OR2T12: variants seen among roughly 807,000 people sequenced by gnomAD.
OR2T12 encodes olfactory receptor family 2 subfamily T member 12.
For synonymous variants in OR2T12, 127 were observed against 160.5 expected (o/e 0.79, Z 1.58); for missense variants, 335 against 404.3 (o/e 0.83, Z 1.47).
chr1:248,297,631 T>C (rs1186716832), intron 2 of OR2T12, among the ~76,000 whole-genome samples: 4 of 152,156 alleles, frequency 2.6e-5, no homozygotes, highest in African/African-American at 7.2e-5. Context: ...GAATGGGAGT[T>C]TACTCATGAT....
rs1659613701 is a variant in OR2T12 at position 248,290,850 on chromosome 1, C to A, written c.*3766G>T. ...TGGTGACTTTTTAATAATTGCCATT[C>A]TAACTGATGTGACATGGTATCTCAC... On this transcript the variant is annotated 3_prime_UTR_variant, in exon 3 of 3. Coordinates refer to ENST00000641276, the MANE Select transcript of OR2T12 (RefSeq NM_001004692.2). 1 of 152,100 alleles carries A rather than the reference C, an allele frequency of 6.6e-6. No homozygotes were observed. Among genetic ancestry groups the A allele is most frequent in the African/African-American group, 2.4e-5 (1 of 41,434 alleles). 9.4% of individuals were successfully genotyped at this position (152,100 alleles called of 1,614,324 possible).
intron 2 of OR2T12, among the ~76,000 whole-genome samples, chr1:248,297,800 G>T (rs1382215086): frequency 6.8e-6 from 1 of 147,774 alleles, no homozygotes; most frequent in Non-Finnish European, 1.5e-5. Flanking sequence ...CCGCAAACAG[G>T]GACAATTTGA....
rs1659679514 is a variant in OR2T12, at chr1:248,294,381, T to A, written c.*235A>T. The A allele has an allele frequency of 4.5e-6, 2 of 443,374 alleles. No homozygotes were observed. Among genetic ancestry groups the A allele is most frequent in the South Asian group, 9.3e-5 (2 of 21,432 alleles). 27.5% of individuals were successfully genotyped at this position (443,374 alleles called of 1,614,324 possible). Reference sequence around the variant, plus strand: ...GCAAAAGAAAAAAAGAAAACTTATATCATGGGGTTGTTGTAGGATACAAAG... The same window carrying A: ...GCAAAAGAAAAAAAGAAAACTTATAACATGGGGTTGTTGTAGGATACAAAG... On this transcript the variant is annotated 3_prime_UTR_variant, in exon 3 of 3. Transcript: ENST00000641276.
intron 2 of OR2T12, among the ~76,000 whole-genome samples, chr1:248,300,884 T>A (rs1659803172): frequency 1.3e-5 from 2 of 152,248 alleles, no homozygotes; most frequent in South Asian, 4.1e-4. Flanking sequence ...TACTTCCAAG[T>A]CACTAAGTTG....
Position 248,297,208 on chromosome 1 carries a change from T to C in OR2T12, c.-8-1622A>G, listed in dbSNP as rs569573354. 8.9e-3 allele frequency among the ~76,000 whole-genome samples: 1,355 copies of C among 152,140 alleles called. 20 individuals carry two copies. Among genetic ancestry groups the C allele is most frequent in the Non-Finnish European group, 0.014 (935 of 67,976 alleles). On this transcript the variant is annotated intron_variant, in intron 2 of 2. Transcript: ENST00000641276. ...TGAGGGCTCTGTTCTGTTCCATTGA[T>C]CTATATCTCTGTTTTGGTACCAGTA... is the stretch of plus-strand genomic sequence containing the variant.
chr1:248,296,461 A>C (rs1053647295), intron 2 of OR2T12, among the ~76,000 whole-genome samples: 2 of 152,236 alleles, frequency 1.3e-5, no homozygotes, highest in Non-Finnish European at 2.9e-5. Context: ...ACGAGTTTAC[A>C]GCCCCACCAA....
intron 2 of OR2T12, among the ~76,000 whole-genome samples, chr1:248,298,604 A>C (rs1279321804): frequency 6.6e-6 from 1 of 150,888 alleles, no homozygotes; most frequent in East Asian, 1.9e-4. Flanking sequence ...CGAGGAATTT[A>C]TCCATTTCTT....
intron 2 of OR2T12, among the ~76,000 whole-genome samples, chr1:248,297,995 G>A (rs1426257411): frequency 6.6e-6 from 1 of 151,270 alleles, no homozygotes; most frequent in African/African-American, 2.4e-5. Context: ...GTTTGTCATA[G>A]ATAGCTCTTA....
chr1:248,294,092 AC>A lies in OR2T12; in HGVS notation c.*523del, dbSNP rs200005650. 5.4e-3 allele frequency: 827 copies of A among 153,502 alleles called. 10 individuals are homozygous for A. Among genetic ancestry groups the A allele is most frequent in the African/African-American group, 0.019 (798 of 41,570 alleles). The allele number at this position is 153,502 out of a possible 1,614,324, so 9.5% of individuals were successfully genotyped here. ...GTAGAGCATACACATGGGAAATAAC[AC>A]TCAAAATACATTATTGAACAGAAAT... On this transcript the variant is annotated 3_prime_UTR_variant, in exon 3 of 3. Transcript: ENST00000641276.
chr1:248,303,302 G>A (rs4916126), intron 1 of OR2T12, 44 bp downstream of exon 1: 118,077 of 152,052 alleles, frequency 0.78, 46,071 homozygotes, highest in South Asian at 0.88. Context: ...CAGAAATTTC[G>A]GCACTAGCTT....
rs553980983 is a variant in OR2T12 at position 248,293,968 on chromosome 1, T to A, written c.*648A>T. On this transcript the variant is annotated 3_prime_UTR_variant, in exon 3 of 3. Coordinates refer to ENST00000641276, the MANE Select transcript of OR2T12 (RefSeq NM_001004692.2). ...TGACAATATAGCAGTTACATTTGAG[T>A]TGTGTACTTCCCCTTTTGTCATGCA... 6.6e-6 allele frequency: 1 copy of A among 152,188 alleles called. No individual in the cohort carries two copies. Among genetic ancestry groups the A allele is most frequent in the Admixed American group, 6.5e-5 (1 of 15,294 alleles). 9.4% of individuals were successfully genotyped at this position (152,188 alleles called of 1,614,324 possible). A position where few individuals can be genotyped will look rare whatever the true frequency, so the allele number is the denominator to read the frequency against.
rs1270433055 is a variant in OR2T12, at chr1:248,294,043, A to C, written c.*573T>G. The C allele has an allele frequency of 6.6e-6, 1 of 152,072 alleles. No homozygotes were observed. Among genetic ancestry groups the C allele is most frequent in the Non-Finnish European group, 1.5e-5 (1 of 68,042 alleles). The allele number at this position is 152,072 out of a possible 1,614,324, so 9.4% of individuals were successfully genotyped here. ...AAATAATGTTATTTGTCTTTGGTGG[A>C]GTCCTCATATTTAGTTTTTAATTGT... On this transcript the variant is annotated 3_prime_UTR_variant, in exon 3 of 3. Coordinates refer to ENST00000641276, the MANE Select transcript of OR2T12 (RefSeq NM_001004692.2).
chr1:248,294,363 A>G lies in OR2T12; in HGVS notation c.*253T>C, dbSNP rs1659678994. 2.7e-6 allele frequency: 1 copy of G among 375,072 alleles called. No individual in the cohort carries two copies. The highest frequency in any genetic ancestry group is 4.3e-5 in the Admixed American group (1 of 23,182). 23.2% of individuals were successfully genotyped at this position (375,072 alleles called of 1,614,324 possible). On this transcript the variant is annotated 3_prime_UTR_variant, in exon 3 of 3. Transcript: ENST00000641276. ...TTTAAAGATTTGGAGTTTGCAAAAG[A>G]AAAAAAGAAAACTTATATCATGGGG...
intron 1 of OR2T12, among the ~76,000 whole-genome samples, chr1:248,302,380 A>G (rs6663952): frequency 0.78 from 117,451 of 151,452 alleles, 45,772 homozygotes; most frequent in South Asian, 0.88. Flanking sequence ...TAATTTAAAC[A>G]TATATACATA....
Position 248,295,571 on chromosome 1 carries a change from A to T in OR2T12, c.8T>A (p.Met3Lys), listed in dbSNP as rs773791152. 14 of 1,570,268 alleles carry T rather than the reference A, an allele frequency of 8.9e-6. No individual in the cohort carries two copies. The highest frequency in any genetic ancestry group is 7.8e-6 in the Non-Finnish European group (9 of 1,158,640). ...AATAAAATCTGGGGTAGTATTTCTC[A>T]TCTCCATAATTTCCCCTGGTGTGAT... Reference protein sequence around the residue: MEMRNTTPDFILL... With the variant: MEKRNTTPDFILL... The change falls in exon 3 of 3, where the codon ATG (methionine) becomes AAG (lysine). Residue 3 changes from methionine to lysine, a missense_variant. Physicochemically the swap from Met to Lys is moderately conservative, Grantham distance 95. Coordinates refer to ENST00000641276, the MANE Select transcript of OR2T12 (RefSeq NM_001004692.2).
chr1:248,295,956 A>G (rs1659719643), intron 2 of OR2T12, among the ~76,000 whole-genome samples: 1 of 151,642 alleles, frequency 6.6e-6, no homozygotes, highest in African/African-American at 2.4e-5. Flanking sequence ...TGCACCCACT[A>G]ACTCCTCATC....
In OR2T12 at chr1:248,300,162, A is replaced by G. The variant is rs151081825; in HGVS notation, c.-9+1211T>C. ...AATATGTGATCGAGTTTTTCCAAAA[A>G]GAATATGTCTCCAAAGCAAACAGAT... On this transcript the variant is annotated intron_variant, in intron 2 of 2. Transcript: ENST00000641276. Among the ~76,000 whole-genome samples the G allele has an allele frequency of 1.7e-3, 260 of 152,314 alleles. 1 individual carries two copies. The highest frequency in any genetic ancestry group is 6.1e-3 in the African/African-American group (252 of 41,584).
In OR2T12 at chr1:248,294,557, GAA is replaced by G. The variant is rs1311836502; in HGVS notation, c.*57_*58del. ...CTCTTCATGAATTACTAAAGGGAGA[GAA>G]TTACATAGTGTTAAAATGTTAATAA... On this transcript the variant is annotated 3_prime_UTR_variant, in exon 3 of 3. Coordinates refer to ENST00000641276, the MANE Select transcript of OR2T12 (RefSeq NM_001004692.2). The G allele has an allele frequency of 6.5e-7, 1 of 1,540,422 alleles. No individual in the cohort carries two copies. Among genetic ancestry groups the G allele is most frequent in the Admixed American group, 2.1e-5 (1 of 48,516 alleles).
At chr1:248,295,747 CA>C (rs1281353559) in intron 2 of OR2T12, 161 bp from the exon 3 acceptor site, 1 of 871,414 alleles carries the variant, frequency 1.1e-6, no homozygotes. Flanking sequence ...CCTGACCTGG[CA>C]TTCACTTCTC....
Sources: gnomAD v4.1 joint callset for allele counts (sites outside exome capture counted in the v4.1 genomes callset) on GRCh38, gnomAD v4.1.1 for gene constraint, MANE v1.5 for transcripts, NCBI Gene and HGNC (gene_info 2026-07-23, HGNC 2026-07-21) for gene names.